PTPRD: variants seen among roughly 807,000 people sequenced by gnomAD.
PTPRD encodes the protein receptor-type tyrosine-protein phosphatase delta.
In PTPRD, 34 loss-of-function variants were observed where a neutral mutation model predicts 214.5. The ratio of observed to expected loss-of-function variants is 0.16; its 90% CI spans 0.12 to 0.21. The LOEUF (loss-of-function observed/expected upper bound fraction) is 0.21, where lower values mean the gene tolerates loss of function less well. PTPRD is among the 10% of genes least tolerant of loss of function. The probability of loss-of-function intolerance (pLI) is 1.00; values close to 1 mark genes in which losing one functional copy is unlikely to be tolerated. For missense variants in PTPRD, 2,545 were observed against 2,398.7 expected, an observed-to-expected ratio of 1.06 and a Z score of -1.27; for synonymous variants, 1,128 against 845.7, an observed-to-expected ratio of 1.33 and a Z score of -5.79.
intron 34 of PTPRD, among the ~76,000 whole-genome samples, chr9:8,438,475 T>C (rs10481621): frequency 0.1 from 15,910 of 152,212 alleles, 1,097 homozygotes; most frequent in East Asian, 0.26. Flanking sequence ...GAAACTTTTC[T>C]GTATTAATGA....
rs550482840 is a variant in PTPRD, at chr9:9,380,365, A to G, written c.-203+17084T>C. 8.6e-4 allele frequency among the ~76,000 whole-genome samples: 130 copies of G among 151,970 alleles called. 1 individual carries two copies. Among genetic ancestry groups the G allele is most frequent in the Non-Finnish European group, 3.1e-4 (21 of 67,952 alleles). ...GAAGAATGCAATTTATTATTTATAT[A>G]TTTGTTTTTAATTTTAATTTTTGTG... On this transcript the variant is annotated intron_variant, in intron 9 of 45. Transcript: ENST00000381196.
At chr9:8,730,331 A>C (rs2098643211) in intron 12 of PTPRD, among the ~76,000 whole-genome samples, 1 of 152,212 alleles carries the variant, frequency 6.6e-6, no homozygotes, top group South Asian at 2.1e-4. Context: ...ATAAGGAAGG[A>C]GAATGAAGAA....
intron 3 of PTPRD, among the ~76,000 whole-genome samples, chr9:10,205,662 C>T (rs1245932111): frequency 6.6e-6 from 1 of 151,982 alleles, no homozygotes; most frequent in Non-Finnish European, 1.5e-5. Context: ...CTGCCTTGGC[C>T]CCAAAGTGCT....
At chr9:9,912,858 C>T (rs540274276) in intron 5 of PTPRD, among the ~76,000 whole-genome samples, 17 of 152,208 alleles carry the variant, frequency 1.1e-4, no homozygotes, top group African/African-American at 4.1e-4. Flanking sequence ...TGCTAATGTT[C>T]TAACTTCCTC....
intron 39 of PTPRD, among the ~76,000 whole-genome samples, chr9:8,368,537 T>C (rs944670710): frequency 9.9e-5 from 15 of 152,138 alleles, no homozygotes; most frequent in African/African-American, 3.1e-4. Context: ...TTCCACTGCA[T>C]TTATATCTAT....
chr9:9,666,017 T>C (rs1210257296), intron 7 of PTPRD, among the ~76,000 whole-genome samples: 1 of 151,938 alleles, frequency 6.6e-6, no homozygotes, highest in Non-Finnish European at 1.5e-5. Context: ...GTGTTCTGCA[T>C]ACAAAAATAA....
intron 11 of PTPRD, among the ~76,000 whole-genome samples, chr9:9,003,746 C>T (rs563677826): frequency 6.6e-6 from 1 of 152,132 alleles, no homozygotes; most frequent in Non-Finnish European, 1.5e-5. Flanking sequence ...TCTGTGTTTT[C>T]GAACTGGCCT....
chr9:10,530,954 A>G (rs997735157), intron 2 of PTPRD, among the ~76,000 whole-genome samples: 1 of 146,364 alleles, frequency 6.8e-6, no homozygotes, highest in Non-Finnish European at 1.5e-5. Flanking sequence ...TCAGTAGACA[A>G]TTTTTTTTTT....
intron 11 of PTPRD, among the ~76,000 whole-genome samples, chr9:8,910,082 AG>A (rs2098736800): frequency 1.3e-5 from 2 of 152,098 alleles, no homozygotes; most frequent in South Asian, 4.2e-4. Flanking sequence ...TCTGTTGTCC[AG>A]GCTGGAGTGC....
chr9:8,496,205 C>CACAA (rs770927861), intron 26 of PTPRD, among the ~76,000 whole-genome samples: 198 of 126,586 alleles, frequency 1.6e-3, no homozygotes, highest in African/African-American at 5.0e-3. Flanking sequence ...CACACACACA[C>CACAA]ACACAAACAC....
intron 11 of PTPRD, among the ~76,000 whole-genome samples, chr9:8,830,882 A>G (rs539587465): frequency 6.6e-6 from 1 of 152,294 alleles, no homozygotes; most frequent in East Asian, 1.9e-4. Flanking sequence ...ATTCTCTTCA[A>G]TTGATTAATT....
At chr9:9,655,715 C>T (rs760074348) in intron 7 of PTPRD, among the ~76,000 whole-genome samples, 13 of 151,504 alleles carry the variant, frequency 8.6e-5, no homozygotes, top group Admixed American at 3.9e-4. Flanking sequence ...CGGTGGCTCA[C>T]AACTGTAATC....
At chr9:9,021,152 T>C (rs1430027866) in intron 10 of PTPRD, among the ~76,000 whole-genome samples, 2 of 152,170 alleles carry the variant, frequency 1.3e-5, no homozygotes, top group Non-Finnish European at 2.9e-5. Flanking sequence ...TAAATAAACA[T>C]ATCTTTTGTT....
intron 3 of PTPRD, among the ~76,000 whole-genome samples, chr9:10,097,742 C>A (rs1436838553): frequency 2.0e-5 from 3 of 151,830 alleles, no homozygotes; most frequent in Non-Finnish European, 4.4e-5. Flanking sequence ...CCTTCTCCTG[C>A]CTGATTGCCC....
intron 3 of PTPRD, among the ~76,000 whole-genome samples, chr9:10,059,291 A>G (rs1245319098): frequency 6.6e-6 from 1 of 152,140 alleles, no homozygotes. Context: ...ATGTTGCGCA[A>G]TACTCATGGG....
intron 9 of PTPRD, among the ~76,000 whole-genome samples, chr9:9,236,462 T>G (rs2099966799): frequency 6.6e-6 from 1 of 151,732 alleles, no homozygotes; most frequent in Non-Finnish European, 1.5e-5. Flanking sequence ...CACCCATAAA[T>G]TCTCCTCTCT....
chr9:8,994,601 T>G (rs559478245), intron 11 of PTPRD, among the ~76,000 whole-genome samples: 1 of 152,090 alleles, frequency 6.6e-6, no homozygotes, highest in African/African-American at 2.4e-5. Flanking sequence ...TTGCCAAGAA[T>G]GGAAGATCAG....
intron 10 of PTPRD, among the ~76,000 whole-genome samples, chr9:9,067,926 C>T (rs1217974998): frequency 6.6e-6 from 1 of 152,070 alleles, no homozygotes; most frequent in African/African-American, 2.4e-5. Context: ...AGAACTGTTC[C>T]ATTACCTCAA....
At chr9:9,972,498 G>T (rs893809422) in intron 4 of PTPRD, among the ~76,000 whole-genome samples, 4 of 152,124 alleles carry the variant, frequency 2.6e-5, no homozygotes, top group Non-Finnish European at 4.4e-5. Flanking sequence ...TCATATTATA[G>T]AAATTACTTG....
Sources: gnomAD v4.1 joint callset for allele counts (sites outside exome capture counted in the v4.1 genomes callset) on GRCh38, gnomAD v4.1.1 for gene constraint, MANE v1.5 for transcripts, NCBI Gene and HGNC (gene_info 2026-07-23, HGNC 2026-07-21) for gene names.